Variants in ADPRHL1 observed in about 807,000 individuals in gnomAD.
ADPRHL1 encodes ADP-ribosylhydrolase like 1, also known as inactive ADP-ribosyltransferase ARH2.
A neutral mutation model predicts 44.1 loss-of-function variants in ADPRHL1; 43 were observed. The observed-to-expected ratio is 0.98, with a 90% CI of 0.76 to 1.26. The LOEUF is 1.26. Among genes scored for constraint, ADPRHL1 ranks in the 50% most tolerant of loss-of-function variants. The pLI is 0.00. For synonymous variants in ADPRHL1, 878 were observed against 1,017.4 expected (o/e 0.86, Z 2.61); for missense variants, 2,022 against 2,496.9 (o/e 0.81, Z 4.05).
rs374816639 is a variant in ADPRHL1 at position 113,403,126 on chromosome 13, G to A, written c.*252C>T. The A allele has an allele frequency of 4.5e-4, 152 of 335,422 alleles. No individual in the cohort carries two copies. The highest frequency in any genetic ancestry group is 2.7e-3 in the African/African-American group (125 of 47,156). 20.8% of individuals were successfully genotyped at this position (335,422 alleles called of 1,614,324 possible). On this transcript the variant is annotated 3_prime_UTR_variant, in exon 8 of 8. Transcript: ENST00000612156. Reference sequence around the variant, plus strand: ...CCCGAGTGAAGACACAAAGAATCCCGAGGGCCTGGTGAGGCCACAGGCCCG... The same window carrying A: ...CCCGAGTGAAGACACAAAGAATCCCAAGGGCCTGGTGAGGCCACAGGCCCG...
intron 2 of ADPRHL1, among the ~76,000 whole-genome samples, chr13:113,437,472 G>A (rs900867200): frequency 3.2e-4 from 49 of 152,282 alleles, no homozygotes; most frequent in African/African-American, 1.1e-3. Flanking sequence ...TCTGCAATCC[G>A]TCCTCCTGCC....
intron 1 of ADPRHL1, among the ~76,000 whole-genome samples, chr13:113,445,074 A>T (rs2044127659): frequency 6.6e-6 from 1 of 152,126 alleles, no homozygotes; most frequent in African/African-American, 2.4e-5. Context: ...TGCTGCAGGG[A>T]CAGCTGCCAC....
rs757424984 is a variant in ADPRHL1 at position 113,453,452 on chromosome 13, C to A, written c.-15G>T. ...AATTTCTCCATCCCAGGAGGCAGCT[C>A]CTCTTCCCCAACAGCTGCGGAGCGT... On this transcript the variant is annotated 5_prime_UTR_variant, in exon 1 of 8. Coordinates refer to ENST00000612156, the MANE Select transcript of ADPRHL1 (RefSeq NM_001394807.1). The surrounding 1 kb of genome is among the most constrained non-coding windows in gnomAD (Gnocchi z 5.4). 1 of 1,613,722 alleles carries A rather than the reference C, an allele frequency of 6.2e-7. No individual in the cohort carries two copies. Among genetic ancestry groups the A allele is most frequent in the South Asian group, 1.1e-5 (1 of 91,056 alleles).
chr13:113,407,805 A>G lies in ADPRHL1; in HGVS notation c.1477T>C (p.Trp493Arg). Reference sequence around the variant, plus strand: ...GTGCTCTTCCCGGCCGGGTGGCCCCAGCGGGGCTTCTCGCTGAGGCAGGGC... The same window carrying G: ...GTGCTCTTCCCGGCCGGGTGGCCCCGGCGGGGCTTCTCGCTGAGGCAGGGC... ...PKPCLSEKPR[W>R]GHPAGKSTVK... is the part of the protein sequence containing the mutation. Residue 493 changes from tryptophan (W) to arginine (R), a missense_variant, in exon 8 of 8, where the codon TGG (tryptophan) becomes CGG (arginine). Transcript: ENST00000612156. The G allele has an allele frequency of 2.4e-6, 3 of 1,231,890 alleles. No homozygotes were observed. Among genetic ancestry groups the G allele is most frequent in the South Asian group, 8.2e-5 (2 of 24,316 alleles). 76.3% of individuals were successfully genotyped at this position (1,231,890 alleles called of 1,614,324 possible).
intron 7 of ADPRHL1, among the ~76,000 whole-genome samples, chr13:113,418,061 G>C (rs1272651873): frequency 6.6e-6 from 1 of 152,222 alleles, no homozygotes; most frequent in Non-Finnish European, 1.5e-5. Flanking sequence ...GGCTGTGGTG[G>C]TGGTGAGGTC....
rs1595533573 is a variant in ADPRHL1, at chr13:113,401,319, G to C, written c.*2059C>G. The C allele has an allele frequency of 6.6e-6, 1 of 152,204 alleles. No homozygotes were observed. The highest frequency in any genetic ancestry group is 1.5e-5 in the Non-Finnish European group (1 of 68,068). 9.4% of individuals were successfully genotyped at this position (152,204 alleles called of 1,614,324 possible). A position where few individuals can be genotyped will look rare whatever the true frequency, so the allele number is the denominator to read the frequency against. On this transcript the variant is annotated 3_prime_UTR_variant, in exon 8 of 8. Coordinates refer to ENST00000612156, the MANE Select transcript of ADPRHL1 (RefSeq NM_001394807.1). The surrounding 1 kb of genome is among the most constrained non-coding windows in gnomAD (Gnocchi z 5.5). The stretch of plus-strand genomic sequence containing the variant: ...TCCAGCCCCAACTGCAGGCTCCCAG[G>C]ACTGCAGGGGCAGGGACTCTGGAGG...
At chr13:113,421,778 T>C (rs973432821) in intron 7 of ADPRHL1, among the ~76,000 whole-genome samples, 3 of 152,214 alleles carry the variant, frequency 2.0e-5, no homozygotes, top group African/African-American at 7.2e-5. Context: ...GGCTTGTATT[T>C]TGGATGCCCA....
chr13:113,409,603 G>A lies in ADPRHL1; in HGVS notation c.1062-1383C>T, dbSNP rs2043836290. On this transcript the variant is annotated intron_variant, in intron 7 of 7. Transcript: ENST00000612156. This position sits in a 1 kb window ranked among gnomAD's most constrained non-coding sequence, Gnocchi z 4.2. ...AACCCGATTGTTTTTAAGAAGCTGA[G>A]GCCGGGCGCCGTGGCTCACGCCTGT... The A allele has an allele frequency of 4.1e-6, 4 of 985,394 alleles. No homozygotes were observed. The East Asian group carries it at 4.5e-4, about 112-fold the overall frequency. 61.0% of individuals were successfully genotyped at this position (985,394 alleles called of 1,614,324 possible).
intron 2 of ADPRHL1, among the ~76,000 whole-genome samples, chr13:113,440,426 T>C (rs2044088790): frequency 6.6e-6 from 1 of 152,178 alleles, no homozygotes; most frequent in African/African-American, 2.4e-5. Flanking sequence ...CAGCTTTCTT[T>C]TGATTAGTGT....
At chr13:113,422,781 G>T in intron 7 of ADPRHL1, 45 bp downstream of exon 7, 1 of 1,610,278 alleles carries the variant, frequency 6.2e-7, no homozygotes, top group East Asian at 2.2e-5. Context: ...CGGGCCCCGG[G>T]GTGGAATCGG....
chr13:113,406,168 G>T lies in ADPRHL1; in HGVS notation c.3114C>A (p.Ala1038=). The T allele has an allele frequency of 1.6e-6, 2 of 1,232,188 alleles. No individual in the cohort carries two copies. Among genetic ancestry groups the T allele is most frequent in the Non-Finnish European group, 2.0e-6 (2 of 988,002 alleles). The allele number at this position is 1,232,188 out of a possible 1,614,324, so 76.3% of individuals were successfully genotyped here. A position where few individuals can be genotyped will look rare whatever the true frequency, so the allele number is the denominator to read the frequency against. The part of the protein sequence containing the change: ...PSPTGRNPTG[A]PTSLAASSKG... The stretch of plus-strand genomic sequence containing the variant: ...TGGATGATGCCGCCAGTGACGTGGG[G>T]GCTCCTGTTGGGTTTCTCCCAGTCG... Residue 1038 remains alanine, a synonymous_variant, in exon 8 of 8, where the codon GCC becomes GCA. Coordinates refer to ENST00000612156, the MANE Select transcript of ADPRHL1 (RefSeq NM_001394807.1).
intron 2 of ADPRHL1, among the ~76,000 whole-genome samples, chr13:113,438,531 C>G (rs764512033): frequency 5.3e-5 from 8 of 152,196 alleles, no homozygotes; most frequent in Non-Finnish European, 1.0e-4. Context: ...CCTGTCTCTA[C>G]TAAAAATACA....
intron 3 of ADPRHL1, among the ~76,000 whole-genome samples, chr13:113,431,296 G>A (rs547779370): frequency 6.6e-5 from 10 of 152,262 alleles, no homozygotes; most frequent in Non-Finnish European, 1.2e-4. Context: ...GCCGCTACAT[G>A]GAGCATGGTT....
Position 113,453,294 on chromosome 13 carries a change from G to A in ADPRHL1, c.144C>T (p.Leu48=), listed in dbSNP as rs558010517. 2.1e-5 allele frequency: 34 copies of A among 1,614,208 alleles called. No individual in the cohort carries two copies. The South Asian group carries it at 2.6e-4, about 13-fold the overall frequency. The part of the protein sequence containing the change: ...QRSGGLDHLV[L]SPGEWPVSDN... ...CACTCACGGGCCATTCTCCTGGCGA[G>A]AGTACGAGGTGGTCCAGGCCCCCGG... The change falls in exon 1 of 8, where the codon CTC becomes CTT. Residue 48 remains leucine (L), a synonymous_variant. Transcript: ENST00000612156. The surrounding 1 kb of genome is among the most constrained non-coding windows in gnomAD (Gnocchi z 5.4).
At chr13:113,429,658 C>T (rs2043993469) in intron 3 of ADPRHL1, among the ~76,000 whole-genome samples, 1 of 152,228 alleles carries the variant, frequency 6.6e-6, no homozygotes, top group Non-Finnish European at 1.5e-5. Flanking sequence ...AGTTAACGAG[C>T]CTGTGCAGGA....
chr13:113,416,465 C>T (rs1200431376), intron 7 of ADPRHL1, among the ~76,000 whole-genome samples: 1 of 152,076 alleles, frequency 6.6e-6, no homozygotes. Flanking sequence ...AGGCCATAAG[C>T]GCTGGATGCT....
At chr13:113,437,917 G>A (rs1478824361) in intron 2 of ADPRHL1, among the ~76,000 whole-genome samples, 2 of 152,158 alleles carry the variant, frequency 1.3e-5, no homozygotes, top group African/African-American at 4.8e-5. Context: ...GTGCACCTCC[G>A]CCTGCCAGGT....
intron 6 of ADPRHL1, among the ~76,000 whole-genome samples, chr13:113,423,181 C>T (rs1049713050): frequency 3.9e-5 from 6 of 152,064 alleles, no homozygotes; most frequent in African/African-American, 9.7e-5. Context: ...CTCTTGAACC[C>T]GGGAGGCAGA....
intron 4 of ADPRHL1, 140 bp from the exon 5 acceptor site, chr13:113,425,319 T>G (rs2043960490): frequency 3.7e-6 from 3 of 821,014 alleles, no homozygotes; most frequent in Admixed American, 5.0e-5. Context: ...TGCAGGCATG[T>G]GGAGAAGCCG....
Sources: gnomAD v4.1 joint callset for allele counts (sites outside exome capture counted in the v4.1 genomes callset) on GRCh38, gnomAD v4.1.1 for gene constraint, Gnocchi (gnomAD v3.1) non-coding constraint, MANE v1.5 for transcripts, NCBI Gene and HGNC (gene_info 2026-07-23, HGNC 2026-07-21) for gene names.